LRP1B: variants seen among roughly 807,000 people sequenced by gnomAD.
LRP1B encodes the protein LDL receptor related protein 1B.
In LRP1B, 217 loss-of-function variants were observed where a neutral mutation model predicts 556.6. That is an observed-to-expected ratio of 0.39 (90% CI 0.35 to 0.44). The LOEUF is 0.44. LRP1B is among the 20% of genes least tolerant of loss of function. The pLI, the probability that LRP1B is intolerant of heterozygous loss-of-function variation, is 1.00. For missense variants in LRP1B, 5,053 were observed against 5,620.8 expected (o/e 0.90, Z 3.23); for synonymous variants, 2,047 against 1,865.8 (o/e 1.10, Z -2.50).
chr2:140,708,303 C>G, intron 37 of LRP1B, among the ~76,000 whole-genome samples: 1 of 151,150 alleles, frequency 6.6e-6, no homozygotes, highest in East Asian at 1.9e-4. Context: ...TTGAGTTGTT[C>G]TTTCTGTTTA....
At chr2:142,058,854 C>T (rs1181691526) in intron 1 of LRP1B, among the ~76,000 whole-genome samples, 1 of 152,090 alleles carries the variant, frequency 6.6e-6, no homozygotes, top group Non-Finnish European at 1.5e-5. Flanking sequence ...TATCAATCCT[C>T]TATCTACAAA....
chr2:140,864,244 T>C (rs1279562514), intron 27 of LRP1B, among the ~76,000 whole-genome samples: 2 of 151,972 alleles, frequency 1.3e-5, no homozygotes, highest in African/African-American at 2.4e-5. Flanking sequence ...AAGAAATAAA[T>C]GAAACACTGT....
intron 32 of LRP1B, among the ~76,000 whole-genome samples, chr2:140,798,886 C>T (rs1279502540): frequency 2.0e-5 from 3 of 152,048 alleles, no homozygotes; most frequent in Non-Finnish European, 2.9e-5. Flanking sequence ...GTGATCAATC[C>T]AGTTTTCAGA....
At chr2:141,302,657 C>G (rs1168349779) in intron 3 of LRP1B, among the ~76,000 whole-genome samples, 1 of 152,052 alleles carries the variant, frequency 6.6e-6, no homozygotes, top group African/African-American at 2.4e-5. Flanking sequence ...CCTATTGTTA[C>G]AAGATGGCAG....
At chr2:140,328,088 T>G (rs184628261) in intron 79 of LRP1B, among the ~76,000 whole-genome samples, 2 of 152,138 alleles carry the variant, frequency 1.3e-5, no homozygotes, top group African/African-American at 4.8e-5. Context: ...TAAAATATCA[T>G]GTCTTCTTTT....
At chr2:141,328,045 T>TA (rs972252164) in intron 3 of LRP1B, among the ~76,000 whole-genome samples, 3 of 151,930 alleles carry the variant, frequency 2.0e-5, no homozygotes, top group Admixed American at 6.6e-5. Flanking sequence ...TGAATCTAAA[T>TA]AAAAAAAAGA....
In LRP1B at chr2:140,297,897, C is replaced by G; in HGVS notation, c.12878G>C (p.Cys4293Ser). 6.2e-7 allele frequency: 1 copy of G among 1,613,900 alleles called. No individual in the cohort carries two copies. Among genetic ancestry groups the G allele is most frequent in the Non-Finnish European group, 8.5e-7 (1 of 1,179,868 alleles). The change falls in exon 84 of 91, where the codon TGT becomes TCT. Residue 4293 changes from cysteine (C) to serine (S), a missense_variant. Around this residue, in one of 5 missense-constraint regions of LRP1B, gnomAD observed 551 missense variants for 592.0 expected, o/e 0.93. Coordinates refer to ENST00000389484, the MANE Select transcript of LRP1B (RefSeq NM_018557.3). ...NCGKTVCEDFCQNGGTCIVTA... is the reference protein window; with the variant it reads ...NCGKTVCEDFSQNGGTCIVTA... The stretch of plus-strand genomic sequence containing the variant: ...CACAATGCAGGTTCCTCCATTTTGA[C>G]AAAAATCCTCACAGACTGTCTTACC...
At chr2:141,028,800 G>C (rs772978229) in intron 11 of LRP1B, among the ~76,000 whole-genome samples, 7 of 152,090 alleles carry the variant, frequency 4.6e-5, no homozygotes, top group Non-Finnish European at 8.8e-5. Flanking sequence ...TATGAGCCAT[G>C]AACTGTTCTA....
intron 2 of LRP1B, among the ~76,000 whole-genome samples, chr2:141,702,574 G>T (rs1691980060): frequency 1.5e-5 from 2 of 130,172 alleles, no homozygotes; most frequent in African/African-American, 6.0e-5. Context: ...GCCACCTGTA[G>T]GTCTAGTTCC....
At chr2:141,314,043 A>G (rs1686907764) in intron 3 of LRP1B, among the ~76,000 whole-genome samples, 1 of 152,158 alleles carries the variant, frequency 6.6e-6, no homozygotes, top group African/African-American at 2.4e-5. Flanking sequence ...TTAGAAAAAA[A>G]CACACACTGA....
intron 1 of LRP1B, among the ~76,000 whole-genome samples, chr2:141,970,010 T>C (rs367551495): frequency 6.6e-5 from 10 of 151,604 alleles, no homozygotes; most frequent in African/African-American, 2.2e-4. Flanking sequence ...CAGTTTTAAT[T>C]TCCATTTTCC....
intron 1 of LRP1B, among the ~76,000 whole-genome samples, chr2:141,886,881 T>G (rs1260652588): frequency 6.6e-6 from 1 of 152,144 alleles, no homozygotes; most frequent in African/African-American, 2.4e-5. Context: ...GTACAGAAGT[T>G]GGTTGATATC....
intron 10 of LRP1B, 110 bp downstream of exon 10, chr2:141,055,006 T>G (rs1699137791): frequency 8.2e-7 from 1 of 1,222,734 alleles, no homozygotes; most frequent in Non-Finnish European, 1.1e-6. Context: ...GCAGGCAAAC[T>G]TCACCTGTTG....
At chr2:141,523,194 T>A (rs1362315839) in intron 2 of LRP1B, among the ~76,000 whole-genome samples, 1 of 152,164 alleles carries the variant, frequency 6.6e-6, no homozygotes, top group Admixed American at 6.6e-5. Context: ...AGAGAAATGA[T>A]TATAACATTA....
chr2:140,937,691 A>G (rs1255769678), intron 20 of LRP1B, among the ~76,000 whole-genome samples: 1 of 152,120 alleles, frequency 6.6e-6, no homozygotes, highest in African/African-American at 2.4e-5. Context: ...ATTTATGTAC[A>G]GTATTTATTG....
At chr2:141,985,629 G>T (rs1702166589) in intron 1 of LRP1B, among the ~76,000 whole-genome samples, 1 of 151,230 alleles carries the variant, frequency 6.6e-6, no homozygotes. Flanking sequence ...TTTTCTTTAG[G>T]ATAAATTAGA....
rs113879479 is a variant in LRP1B, at chr2:141,813,566, G to GTT, written c.83-3167_83-3166dup. 2.7e-3 allele frequency among the ~76,000 whole-genome samples: 390 copies of GTT among 144,454 alleles called. 3 individuals carry two copies. Among genetic ancestry groups the GTT allele is most frequent in the African/African-American group, 9.3e-3 (364 of 39,234 alleles). The allele number at this position is 144,454 out of a possible 152,430, so 94.8% of individuals were successfully genotyped here. ...ATGGGATTCCAGAGATCAGATAAAGGTTTTTTTTTTTTACTAAAAACAAAC... is the reference window on the plus strand; with the variant it reads ...ATGGGATTCCAGAGATCAGATAAAGGTTTTTTTTTTTTTTACTAAAAACAAAC... On this transcript the variant is annotated intron_variant, in intron 1 of 90. Transcript: ENST00000389484.
At chr2:141,174,916 G>GGA (rs1680668910) in intron 7 of LRP1B, among the ~76,000 whole-genome samples, 1 of 151,994 alleles carries the variant, frequency 6.6e-6, no homozygotes, top group Non-Finnish European at 1.5e-5. Context: ...AGGCAGAGGT[G>GGA]GTTTTAGATT....
chr2:140,255,153 ATTTG>A (rs1356169409), intron 86 of LRP1B, among the ~76,000 whole-genome samples: 2 of 152,288 alleles, frequency 1.3e-5, no homozygotes, highest in East Asian at 1.9e-4. Context: ...CTCTTACCAG[ATTTG>A]TTTAACATTT....
Sources: gnomAD v4.1 joint callset for allele counts (sites outside exome capture counted in the v4.1 genomes callset) on GRCh38, gnomAD v4.1.1 for gene constraint, gnomAD v4.1.1 regional missense constraint, MANE v1.5 for transcripts, NCBI Gene and HGNC (gene_info 2026-07-23, HGNC 2026-07-21) for gene names.